Variants in HDGF observed in about 807,000 individuals in gnomAD.
The protein encoded by HDGF is heparin binding growth factor.
A neutral mutation model predicts 30.0 loss-of-function variants in HDGF; 5 were observed. The observed-to-expected ratio is 0.17, with a 90% confidence interval of 0.09 to 0.35. HDGF has a LOEUF of 0.35. Ranked by LOEUF, HDGF falls within the 10% of genes least tolerant of loss-of-function variation. The probability of loss-of-function intolerance (pLI) is 1.00; values close to 1 mark genes in which losing one functional copy is unlikely to be tolerated. For missense variants in HDGF, 214 were observed against 302.8 expected (o/e 0.71, Z 2.18); for synonymous variants, 133 against 112.7 (o/e 1.18, Z -1.14).
At chr1:156,752,579 C>T, upstream of HDGF, 2 of 578,092 alleles carry the variant, frequency 3.5e-6, no homozygotes, top group Non-Finnish European at 6.1e-6. Context: ...GATGACTGAA[C>T]TGGGCATTAA....
chr1:156,758,143 C>G (rs1452181299), intron 2 of HDGF, among the ~76,000 whole-genome samples: 2 of 151,602 alleles, frequency 1.3e-5, no homozygotes, highest in Non-Finnish European at 2.9e-5. Flanking sequence ...ACTAAAAATT[C>G]AAAAATTAGC....
chr1:156,746,886 C>T (rs1358889865), intron 1 of HDGF, among the ~76,000 whole-genome samples: 1 of 151,988 alleles, frequency 6.6e-6, no homozygotes, highest in Admixed American at 6.5e-5. Flanking sequence ...GGACAGAGGG[C>T]CCAACTGGGG....
chr1:156,750,942 C>T (rs1420446287), intron 1 of HDGF, among the ~76,000 whole-genome samples: 2 of 149,322 alleles, frequency 1.3e-5, no homozygotes, highest in African/African-American at 2.5e-5. Flanking sequence ...CTAAGGGGGT[C>T]TTAAAGGGGG....
At chr1:156,757,383 T>C (rs1193332112), upstream of HDGF, among the ~76,000 whole-genome samples, 1 of 151,958 alleles carries the variant, frequency 6.6e-6, no homozygotes, top group Non-Finnish European at 1.5e-5. Flanking sequence ...GGAGAATCGC[T>C]TGAACCCGGG....
chr1:156,754,486 G>A (rs1408272610), upstream of HDGF, among the ~76,000 whole-genome samples: 1 of 152,156 alleles, frequency 6.6e-6, no homozygotes. Context: ...TTACAGTAAC[G>A]TCATCAACCA....
chr1:156,751,534 C>T lies in HDGF; in HGVS notation c.-105G>A, dbSNP rs1650978506. The T allele has an allele frequency of 3.9e-6, 4 of 1,031,688 alleles. No individual in the cohort carries two copies. Among genetic ancestry groups the T allele is most frequent in the Middle Eastern group, 4.7e-4 (1 of 2,142 alleles). 63.9% of individuals were successfully genotyped at this position (1,031,688 alleles called of 1,614,324 possible). ...CCGCTCCGCTCCGGCCCTCGCGCGG[C>T]CCCCGCCTCGATGGTGGCCCCCGGC... On this transcript the variant is annotated 5_prime_UTR_variant, in exon 1 of 6. Transcript: ENST00000357325. This position sits in a 1 kb window ranked among gnomAD's most constrained non-coding sequence, Gnocchi z 4.7.
Position 156,745,322 on chromosome 1 carries a change from C to T in HDGF, c.139G>A (p.Val47Ile). Residue 47 changes from valine (V) to isoleucine (I), a missense_variant, in exon 2 of 6, where the codon GTC becomes ATC. Physicochemically the swap from Val to Ile is conservative, Grantham distance 29 (BLOSUM62 3). This residue lies in a region of HDGF where 38 missense variants were observed against 91.1 expected (regional missense o/e 0.42). Coordinates refer to ENST00000357325, the MANE Select transcript of HDGF (RefSeq NM_004494.3). ...GTCTCGTGGGTCCCGAAAAAAAAGA[C>T]TTGGTATTTGTTGGCTGTTGATTTC... ...AVKSTANKYQ[V>I]FFFGTHETAF... 1 of 1,613,946 alleles carries T rather than the reference C, an allele frequency of 6.2e-7. No homozygotes were observed. The highest frequency in any genetic ancestry group is 8.5e-7 in the Non-Finnish European group (1 of 1,179,998).
chr1:156,766,396 G>C (rs1651377572), intron 1 of HDGF, among the ~76,000 whole-genome samples: 1 of 152,180 alleles, frequency 6.6e-6, no homozygotes, highest in Non-Finnish European at 1.5e-5. Flanking sequence ...AGATGAATTA[G>C]CATGTAAAGG....
intron 1 of HDGF, among the ~76,000 whole-genome samples, chr1:156,764,626 A>G (rs1651319123): frequency 6.6e-6 from 1 of 152,222 alleles, no homozygotes; most frequent in Admixed American, 6.5e-5. Flanking sequence ...TTTATACCCA[A>G]TAAGGTGAAT....
chr1:156,743,713 C>T lies in HDGF; in HGVS notation c.655G>A (p.Asp219Asn). The part of the protein sequence containing the change: ...GPPQEEEEEE[D>N]EEEEATKEDA... The stretch of plus-strand genomic sequence containing the variant: ...TCCTTGGTAGCCTCTTCCTCTTCAT[C>T]CTCCTCCTCTTCTTCCTCTTGGGGA... Residue 219 changes from aspartate to asparagine, a missense_variant, in exon 5 of 6, where the codon GAT becomes AAT. Physicochemically the swap from Asp to Asn is conservative, Grantham distance 23 (BLOSUM62 1). Transcript: ENST00000357325. 6.2e-7 allele frequency: 1 copy of T among 1,605,494 alleles called. No individual in the cohort carries two copies. The highest frequency in any genetic ancestry group is 8.5e-7 in the Non-Finnish European group (1 of 1,175,758).
intron 4 of HDGF, 139 bp from the exon 5 acceptor site, chr1:156,744,017 T>A: frequency 9.5e-7 from 1 of 1,052,586 alleles, no homozygotes; most frequent in Non-Finnish European, 1.5e-6. Context: ...GCCTTCTGTG[T>A]CCCATCTGGT....
At chr1:156,754,030 C>T (rs924586283), upstream of HDGF, among the ~76,000 whole-genome samples, 1 of 151,864 alleles carries the variant, frequency 6.6e-6, no homozygotes, top group African/African-American at 2.4e-5. Context: ...ATTCTCCTGC[C>T]CCAGCCTCCT....
intron 1 of HDGF, among the ~76,000 whole-genome samples, chr1:156,748,996 A>T (rs1650787396): frequency 6.6e-6 from 1 of 152,204 alleles, no homozygotes; most frequent in Admixed American, 6.5e-5. Flanking sequence ...CAGGGGGGAA[A>T]ATCCCTGAAG....
At chr1:156,746,710 G>T (rs994357740) in intron 1 of HDGF, among the ~76,000 whole-genome samples, 6 of 152,170 alleles carry the variant, frequency 3.9e-5, no homozygotes, top group African/African-American at 7.2e-5. Context: ...GGTGGGTCGT[G>T]GGGGAAGGTG....
Position 156,751,608 on chromosome 1 carries a change from G to T in HDGF, c.-179C>A, listed in dbSNP as rs1193253322. On this transcript the variant is annotated 5_prime_UTR_variant, in exon 1 of 6. Coordinates refer to ENST00000357325, the MANE Select transcript of HDGF (RefSeq NM_004494.3). The surrounding 1 kb of genome is among the most constrained non-coding windows in gnomAD (Gnocchi z 4.7). The stretch of plus-strand genomic sequence containing the variant: ...GTCTCCGCCCGCGCGCCGCACGGAC[G>T]GGGCGGGCGCGGATCGGGGCAAGGC... 3.0e-6 allele frequency: 3 copies of T among 984,242 alleles called. No individual in the cohort carries two copies. The highest frequency in any genetic ancestry group is 2.4e-6 in the Non-Finnish European group (2 of 830,010). The allele number at this position is 984,242 out of a possible 1,614,324, so 61.0% of individuals were successfully genotyped here. A position where few individuals can be genotyped will look rare whatever the true frequency, so the allele number is the denominator to read the frequency against.
In HDGF at chr1:156,751,243, C is replaced by A; in HGVS notation, c.87+100G>T. 8 of 1,400,910 alleles carry A rather than the reference C, an allele frequency of 5.7e-6. No homozygotes were observed. In the South Asian group the frequency reaches 1.0e-4, roughly 18 times the overall value. The allele number at this position is 1,400,910 out of a possible 1,614,324, so 86.8% of individuals were successfully genotyped here. Reference sequence around the variant, plus strand: ...AGCCGGAGACCTACAAGCCCCCTGCCCCCACCTCTGCCCGCTCCGCGCGGA... The same window carrying A: ...AGCCGGAGACCTACAAGCCCCCTGCACCCACCTCTGCCCGCTCCGCGCGGA... On this transcript the variant is annotated intron_variant, in intron 1 of 5. Coordinates refer to ENST00000357325, the MANE Select transcript of HDGF (RefSeq NM_004494.3). This position sits in a 1 kb window ranked among gnomAD's most constrained non-coding sequence, Gnocchi z 4.7.
chr1:156,765,588 C>T (rs1479364152), intron 1 of HDGF, among the ~76,000 whole-genome samples: 2 of 147,598 alleles, frequency 1.4e-5, no homozygotes, highest in Non-Finnish European at 3.0e-5. Context: ...GATTCTCCTG[C>T]CTCAGCCTCA....
chr1:156,747,064 C>G (rs1458163793), intron 1 of HDGF, among the ~76,000 whole-genome samples: 1 of 151,852 alleles, frequency 6.6e-6, no homozygotes, highest in East Asian at 1.9e-4. Flanking sequence ...CCAGCCCTTC[C>G]CCCCCAGGAA....
upstream of HDGF, among the ~76,000 whole-genome samples, chr1:156,755,073 CA>C (rs1458888414): frequency 6.6e-6 from 1 of 152,224 alleles, no homozygotes; most frequent in Admixed American, 6.5e-5. Context: ...GGGTCTAAAA[CA>C]ACACGACTCA....
Sources: allele counts gnomAD v4.1 joint callset (sites outside exome capture counted in the v4.1 genomes callset), GRCh38; gene constraint gnomAD v4.1.1; regional missense constraint gnomAD v4.1.1; non-coding constraint Gnocchi (gnomAD v3.1); transcripts MANE v1.5; gene names NCBI Gene and HGNC (gene_info 2026-07-23, HGNC 2026-07-21).